Variants in AGK observed in about 807,000 individuals in gnomAD.
The protein encoded by AGK is acylglycerol kinase, mitochondrial.
AGK carries 52 observed loss-of-function variants against 66.4 expected under a neutral mutation model. The observed-to-expected ratio is 0.78, with a 90% CI of 0.63 to 0.99. The LOEUF is 0.99. Ranked by LOEUF, AGK falls within the 50% of genes least tolerant of loss-of-function variation. The pLI is 0.00. For missense variants in AGK, 451 were observed against 506.6 expected, an observed-to-expected ratio of 0.89 and a Z score of 1.05; for synonymous variants, 182 against 181.1, an observed-to-expected ratio of 1.00 and a Z score of -0.04.
At chr7:141,553,599 C>T (rs1217902773) in intron 1 of AGK, among the ~76,000 whole-genome samples, 2 of 152,172 alleles carry the variant, frequency 1.3e-5, no homozygotes, top group African/African-American at 4.8e-5. Context: ...TTCTTCTCTG[C>T]CCTCACCCCC....
At chr7:141,585,924 T>G (rs938538410) in intron 2 of AGK, among the ~76,000 whole-genome samples, 2 of 152,234 alleles carry the variant, frequency 1.3e-5, no homozygotes, top group Non-Finnish European at 2.9e-5. Context: ...GTAGCACCTC[T>G]TTTAAATTGT....
In AGK at chr7:141,611,284, G is replaced by A. The variant is rs1796583484; in HGVS notation, c.387G>A (p.Gln129=). 1 of 1,609,238 alleles carries A rather than the reference G, an allele frequency of 6.2e-7. No homozygotes were observed. Among genetic ancestry groups the A allele is most frequent in the African/African-American group, 1.3e-5 (1 of 74,928 alleles). Reference sequence around the variant, plus strand: ...TTGCAGGAGGAGATGGGACACTGCAGGAGGTATGACTGTTTTTCTCTTTGA... The same window carrying A: ...TTGCAGGAGGAGATGGGACACTGCAAGAGGTATGACTGTTTTTCTCTTTGA... ...IIVAGGDGTL[Q]EVVTGVLRRT... Residue 129 remains glutamine, a synonymous_variant, in exon 6 of 16, where the codon CAG becomes CAA. Transcript: ENST00000649286.
Position 141,628,588 on chromosome 7 carries a change from C to G in AGK, c.589-5313C>G, listed in dbSNP as rs144985537. Among the ~76,000 whole-genome samples, 286 of 152,188 alleles carry G rather than the reference C, an allele frequency of 1.9e-3. 2 individuals carry two copies. The highest frequency in any genetic ancestry group is 6.8e-3 in the African/African-American group (281 of 41,512). ...GAAATAGTTCTTGGAAACAATAATG[C>G]CTTATATTTAGCTTTTTAGATTGTT... On this transcript the variant is annotated intron_variant, in intron 9 of 15. Transcript: ENST00000649286.
Position 141,555,533 on chromosome 7 carries a change from A to G in AGK, c.67A>G (p.Thr23Ala). The G allele has an allele frequency of 6.2e-7, 1 of 1,614,094 alleles. No homozygotes were observed. The highest frequency in any genetic ancestry group is 8.5e-7 in the Non-Finnish European group (1 of 1,179,978). The change falls in exon 2 of 16, where the codon ACC (threonine) becomes GCC (alanine). Residue 23 changes from threonine to alanine, a missense_variant. Coordinates refer to ENST00000649286, the MANE Select transcript of AGK (RefSeq NM_018238.4). This position sits in a 1 kb window ranked among gnomAD's most constrained non-coding sequence, Gnocchi z 4.2. ...KKTTAGLCLL[T>A]WGGHWLYGKH... ...AACTACAGCTGGGCTCTGCCTGCTG[A>G]CCTGGGGAGGCCATTGGCTCTATGG...
intron 8 of AGK, among the ~76,000 whole-genome samples, chr7:141,620,326 A>G (rs965089453): frequency 2.6e-5 from 4 of 152,320 alleles, no homozygotes; most frequent in African/African-American, 9.6e-5. Flanking sequence ...TACTGTGTAT[A>G]TATCATACCC....
chr7:141,645,959 G>A (rs1797401833), intron 13 of AGK, among the ~76,000 whole-genome samples: 1 of 152,100 alleles, frequency 6.6e-6, no homozygotes, highest in South Asian at 2.1e-4. Flanking sequence ...ATGAGACATT[G>A]GTATGAGACA....
At chr7:141,617,111 A>G (rs1031432773) in intron 8 of AGK, among the ~76,000 whole-genome samples, 2 of 152,084 alleles carry the variant, frequency 1.3e-5, no homozygotes, top group Admixed American at 6.5e-5. Flanking sequence ...CTTTTCCAAG[A>G]TGAATCCTGT....
intron 2 of AGK, among the ~76,000 whole-genome samples, chr7:141,587,529 C>T (rs1796018658): frequency 6.6e-6 from 1 of 152,188 alleles, no homozygotes. Context: ...GGGTGGCCTC[C>T]AGCGGTTCCG....
intron 2 of AGK, among the ~76,000 whole-genome samples, chr7:141,566,468 T>C (rs1328443174): frequency 1.3e-5 from 2 of 152,206 alleles, no homozygotes; most frequent in Non-Finnish European, 2.9e-5. Flanking sequence ...GTCTGACCAT[T>C]AGGAATTCAC....
intron 5 of AGK, 46 bp from the exon 6 acceptor site, chr7:141,611,149 T>C (rs374269363): frequency 8.6e-6 from 11 of 1,284,664 alleles, no homozygotes; most frequent in African/African-American, 1.5e-5. Flanking sequence ...TTTAACCTTG[T>C]GGCTCTAGGT....
chr7:141,591,089 T>G (rs967306471), intron 2 of AGK, among the ~76,000 whole-genome samples: 22 of 131,756 alleles, frequency 1.7e-4, no homozygotes, highest in African/African-American at 6.0e-4. Context: ...GTTGTTTTTT[T>G]TTTTTTTTTT....
intron 13 of AGK, among the ~76,000 whole-genome samples, chr7:141,643,317 C>T (rs990100011): frequency 7.2e-5 from 11 of 152,066 alleles, no homozygotes. Flanking sequence ...GGCTGCGCCT[C>T]CTGTGTATGT....
At chr7:141,583,573 A>C (rs116396718) in intron 2 of AGK, among the ~76,000 whole-genome samples, 4,524 of 151,818 alleles carry the variant, frequency 0.03, 128 homozygotes, top group South Asian at 0.14. Context: ...CTTGCCCCCC[A>C]AAAAATGGTG....
intron 2 of AGK, among the ~76,000 whole-genome samples, chr7:141,573,371 C>T (rs1795656194): frequency 6.6e-6 from 1 of 151,908 alleles, no homozygotes; most frequent in African/African-American, 2.4e-5. Flanking sequence ...AAAAAAAAAT[C>T]TATATATTTA....
intron 5 of AGK, among the ~76,000 whole-genome samples, chr7:141,607,209 ATGTT>A (rs775648377): frequency 2.6e-5 from 4 of 151,982 alleles, no homozygotes; most frequent in Non-Finnish European, 4.4e-5. Context: ...TGATAAGACT[ATGTT>A]TGGTTTTATC....
chr7:141,619,626 A>C (rs1796781099), intron 8 of AGK, among the ~76,000 whole-genome samples: 2 of 152,074 alleles, frequency 1.3e-5, no homozygotes, highest in African/African-American at 4.8e-5. Flanking sequence ...TGCAAATTAA[A>C]TCTACCATGA....
At chr7:141,617,744 C>T (rs565587328) in intron 8 of AGK, among the ~76,000 whole-genome samples, 5 of 152,230 alleles carry the variant, frequency 3.3e-5, no homozygotes, top group Non-Finnish European at 5.9e-5. Flanking sequence ...TATAAAAAGA[C>T]TTGATGAGTT....
chr7:141,573,016 G>A (rs12703390), intron 2 of AGK, among the ~76,000 whole-genome samples: 2 of 152,140 alleles, frequency 1.3e-5, no homozygotes, highest in Non-Finnish European at 2.9e-5. Flanking sequence ...GGGGCCTGGC[G>A]GCTTCATCCA....
In AGK at chr7:141,555,342, G is replaced by GA. The variant is rs554726305; in HGVS notation, c.-14-104dup. The GA allele has an allele frequency of 1.6e-3, 1,085 of 666,542 alleles. 14 individuals are homozygous for GA. The African/African-American group carries it at 0.018, about 11-fold the overall frequency. 41.3% of individuals were successfully genotyped at this position (666,542 alleles called of 1,614,324 possible). Reference sequence around the variant, plus strand: ...GGTAAGGAGGAAGAGGAGTGAGTGGGAAAAAAAGGAGTGAGAGAGGATAAA... The same window carrying GA: ...GGTAAGGAGGAAGAGGAGTGAGTGGGAAAAAAAAGGAGTGAGAGAGGATAAA... On this transcript the variant is annotated intron_variant, in intron 1 of 15. Coordinates refer to ENST00000649286, the MANE Select transcript of AGK (RefSeq NM_018238.4). This position sits in a 1 kb window ranked among gnomAD's most constrained non-coding sequence, Gnocchi z 4.2.
Sources: allele counts gnomAD v4.1 joint callset (sites outside exome capture counted in the v4.1 genomes callset), GRCh38; gene constraint gnomAD v4.1.1; non-coding constraint Gnocchi (gnomAD v3.1); transcripts MANE v1.5; gene names NCBI Gene and HGNC (gene_info 2026-07-23, HGNC 2026-07-21).